The following PDLIM2 variants were observed in gnomAD, a reference collection of about 807,000 sequenced individuals.
PDLIM2 encodes PDZ and LIM domain 2.
Under a neutral mutation model 54.1 loss-of-function variants are expected in PDLIM2, and 51 were observed. That is an observed-to-expected ratio of 0.94 (90% confidence interval 0.75 to 1.19). The LOEUF (loss-of-function observed/expected upper bound fraction) is 1.19. Among genes scored for constraint, PDLIM2 ranks in the 50% most tolerant of loss-of-function variants. The probability of loss-of-function intolerance (pLI) is 0.00; values close to 1 mark genes in which losing one functional copy is unlikely to be tolerated. For synonymous variants in PDLIM2, 398 were observed against 385.6 expected (o/e 1.03, Z -0.38); for missense variants, 912 against 874.0 (o/e 1.04, Z -0.55).
At chr8:22,580,421 A>C in intron 1 of PDLIM2, 54 bp from the exon 1 acceptor site, 4 of 1,385,978 alleles carry the variant, frequency 2.9e-6, no homozygotes, top group Non-Finnish European at 2.9e-6. Flanking sequence ...GGTGGGGGGA[A>C]GTGAAACCGG....
At chr8:22,589,956 A>T (rs1800496260) in intron 8 of PDLIM2, 1 of 587,336 alleles carries the variant, frequency 1.7e-6, no homozygotes, top group Admixed American at 3.2e-5. Context: ...GCTCCCACAG[A>T]GTAGTGGGCA....
At chr8:22,585,473 G>A in intron 6 of PDLIM2, 74 bp downstream of exon 5, 1 of 1,454,726 alleles carries the variant, frequency 6.9e-7, no homozygotes, top group South Asian at 1.2e-5. Context: ...CAGTGCCCCG[G>A]GACTGCAGGC....
chr8:22,578,891 G>T lies in PDLIM2; in HGVS notation c.112G>T (p.Gly38Cys), dbSNP rs189736978. The change falls in exon 1 of 10, where the codon GGC becomes TGC. Residue 38 changes from glycine to cysteine, a missense_variant. By Grantham distance (159) the Gly-to-Cys change is radical (BLOSUM62 -3). Transcript: ENST00000308354. ...CCTGGACCGGCTCTGCTGTGCTCCG[G>T]GCAGTCGGGGGCTTGCGGGCGCTCC... The T allele has an allele frequency of 1.1e-4, 134 of 1,238,184 alleles. No homozygotes were observed. Among genetic ancestry groups the T allele is most frequent in the Non-Finnish European group, 1.3e-4 (126 of 991,316 alleles). The allele number at this position is 1,238,184 out of a possible 1,614,324, so 76.7% of individuals were successfully genotyped here.
Position 22,591,598 on chromosome 8 carries a change from C to T in PDLIM2, c.1561C>T (p.Leu521=), listed in dbSNP as rs536178933. 13 of 1,613,686 alleles carry T rather than the reference C, an allele frequency of 8.1e-6. No individual in the cohort carries two copies. The African/African-American group carries it at 1.5e-4, about 18-fold the overall frequency. The change falls in exon 9 of 10, where the codon CTG becomes TTG. Residue 521 remains leucine (L), a synonymous_variant. Coordinates refer to ENST00000308354, the Ensembl canonical transcript of PDLIM2. ...CAGCTCACTGAGCCCCCAGTCCTCCCTGCCCGCCTCCAGGGCCCTGGCCAC... is the reference window on the plus strand; with the variant it reads ...CAGCTCACTGAGCCCCCAGTCCTCCTTGCCCGCCTCCAGGGCCCTGGCCAC...
intron 9 of PDLIM2, chr8:22,591,902 A>C (rs1800561019): frequency 6.9e-6 from 3 of 434,466 alleles, no homozygotes; most frequent in Non-Finnish European, 4.1e-6. Flanking sequence ...TCCTTTTCCC[A>C]TCCCTTTTGA....
At chr8:22,582,578 A>ATTT (rs778664391) in intron 3 of PDLIM2, among the ~76,000 whole-genome samples, 9 of 126,030 alleles carry the variant, frequency 7.1e-5, no homozygotes, top group South Asian at 2.5e-4. Context: ...CAGTCTCTTA[A>ATTT]TTTTTTTTTT....
Position 22,593,873 on chromosome 8 carries a change from G to A in PDLIM2, c.1772G>A (p.Arg591His), listed in dbSNP as rs1048363031. The change falls in exon 10 of 10, where the codon CGC becomes CAC. Residue 591 changes from arginine (R) to histidine (H), a missense_variant. Coordinates refer to ENST00000308354, the Ensembl canonical transcript of PDLIM2. ...TACTGTGAGAAGCATGCCCGCCAGC[G>A]CTACTCCGCACCTGCCACCCTCAGC... is the stretch of plus-strand genomic sequence containing the variant. 2.3e-5 allele frequency: 35 copies of A among 1,553,182 alleles called. No homozygotes were observed. Among genetic ancestry groups the A allele is most frequent in the Middle Eastern group, 1.7e-4 (1 of 6,014 alleles).
At chr8:22,589,629 C>T (rs142808485) in exon 8 of PDLIM2, 7 of 1,598,490 alleles carry the variant, frequency 4.4e-6, no homozygotes, top group East Asian at 4.5e-5. Context: ...TCCTCCTGGA[C>T]GAGGACTCGG....
At chr8:22,594,094 C>T (rs1310460059) in exon 10 of PDLIM2, 4 of 1,429,996 alleles carry the variant, frequency 2.8e-6, no homozygotes, top group Middle Eastern at 2.6e-4. Flanking sequence ...GACTCACCCT[C>T]ACCTTGCCAG....
Position 22,594,091 on chromosome 8 carries a change from C to T in PDLIM2, c.*181C>T, listed in dbSNP as rs578064210. ...CTGTCTTGGACTGTGGGAGACTCAC[C>T]CTCACCTTGCCAGGCCTCTCCCCTG... On this transcript the variant is annotated 3_prime_UTR_variant, in exon 10 of 10. Coordinates refer to ENST00000308354, the Ensembl canonical transcript of PDLIM2. 14 of 1,429,834 alleles carry T rather than the reference C, an allele frequency of 9.8e-6. No homozygotes were observed. In the Admixed American group the frequency reaches 3.8e-4, roughly 39 times the overall value. The allele number at this position is 1,429,834 out of a possible 1,614,324, so 88.6% of individuals were successfully genotyped here.
At chr8:22,584,256 C>A (rs1800302914) in intron 3 of PDLIM2, among the ~76,000 whole-genome samples, 1 of 151,278 alleles carries the variant, frequency 6.6e-6, no homozygotes, top group Non-Finnish European at 1.5e-5. Context: ...TCAAGAGATT[C>A]ACCCTCCTTG....
chr8:22,589,559 A>G (rs780294748), intron 7 of PDLIM2, 37 bp from the exon 7 acceptor site: 7 of 1,557,702 alleles, frequency 4.5e-6, no homozygotes, highest in Non-Finnish European at 5.2e-6. Context: ...AAGCTCCGGC[A>G]CGGGACCCTC....
In PDLIM2 at chr8:22,593,762, G is replaced by A. The variant is rs759160531; in HGVS notation, c.1661G>A (p.Arg554Gln). 3.1e-6 allele frequency: 5 copies of A among 1,600,806 alleles called. No homozygotes were observed. The South Asian group carries it at 5.7e-5, about 18-fold the overall frequency. ...CAGGCTGTGCGCATCCAGGAGGGCC[G>A]GTACCGCCACCCCGGCTGCTACACC... Residue 554 changes from arginine to glutamine, a missense_variant, in exon 10 of 10, where the codon CGG becomes CAG. By Grantham distance (43) the Arg-to-Gln change is conservative. Coordinates refer to ENST00000308354, the Ensembl canonical transcript of PDLIM2.
exon 10 of PDLIM2, chr8:22,594,098 T>G: frequency 7.0e-7 from 1 of 1,428,024 alleles, no homozygotes; most frequent in Non-Finnish European, 9.1e-7. Context: ...CACCCTCACC[T>G]TGCCAGGCCT....
intron 6 of PDLIM2, among the ~76,000 whole-genome samples, chr8:22,586,114 T>C (rs112406921): frequency 0.015 from 2,289 of 152,262 alleles, 59 homozygotes; most frequent in African/African-American, 0.052. Context: ...GATGGGGATA[T>C]GGCCCAGCTG....
chr8:22,597,000 G>C (rs544968330), downstream of PDLIM2: 3 of 150,616 alleles, frequency 2.0e-5, no homozygotes, highest in African/African-American at 5.0e-5. Flanking sequence ...TCCAGGCACA[G>C]CTCTGGTCAC....
chr8:22,593,551 TG>T, intron 9 of PDLIM2, 181 bp from the exon 9 acceptor site: 1 of 575,604 alleles, frequency 1.7e-6, no homozygotes, highest in Non-Finnish European at 2.9e-6. Flanking sequence ...TATTCCAGCC[TG>T]GGCAACAAGA....
chr8:22,591,487 G>A, intron 8 of PDLIM2, 64 bp from the exon 8 acceptor site: 1 of 1,446,410 alleles, frequency 6.9e-7, no homozygotes, highest in Non-Finnish European at 9.7e-7. Flanking sequence ...CCTCCTCAGA[G>A]CATCTTTGGG....
intron 3 of PDLIM2, among the ~76,000 whole-genome samples, chr8:22,582,914 C>CA (rs1294974170): frequency 9.2e-6 from 1 of 108,442 alleles, no homozygotes; most frequent in Admixed American, 9.5e-5. Flanking sequence ...TGCCCACCCC[C>CA]CCCCCCGCCC....
Sources: allele counts gnomAD v4.1 joint callset (sites outside exome capture counted in the v4.1 genomes callset), GRCh38; gene constraint gnomAD v4.1.1; transcripts MANE v1.5; gene names NCBI Gene and HGNC (gene_info 2026-07-23, HGNC 2026-07-21).